The following HEATR5A variants were observed in gnomAD, a reference collection of about 807,000 sequenced individuals.
The protein encoded by HEATR5A is HEAT repeat-containing protein 5A.
HEATR5A carries 178 observed loss-of-function variants against 218.8 expected under a neutral mutation model. That is an observed-to-expected ratio of 0.81 (90% CI 0.72 to 0.92). The LOEUF (loss-of-function observed/expected upper bound fraction) is 0.92. Among genes scored for constraint, HEATR5A ranks in the 40% least tolerant of loss-of-function variants. The probability of loss-of-function intolerance (pLI) is 0.00; values close to 1 mark genes in which losing one functional copy is unlikely to be tolerated. For missense variants in HEATR5A, 2,420 were observed against 2,418.9 expected (o/e 1.00, Z -0.01); for synonymous variants, 864 against 871.6 (o/e 0.99, Z 0.15).
chr14:31,366,431 A>G (rs1205612056), intron 13 of HEATR5A, among the ~76,000 whole-genome samples: 1 of 152,240 alleles, frequency 6.6e-6, no homozygotes, highest in African/African-American at 2.4e-5. Flanking sequence ...TTAGGAAATT[A>G]TATTTCTAAA....
At chr14:31,356,479 C>T (rs1901431046) in intron 16 of HEATR5A, among the ~76,000 whole-genome samples, 1 of 152,178 alleles carries the variant, frequency 6.6e-6, no homozygotes, top group African/African-American at 2.4e-5. Context: ...AAGCAATTTG[C>T]CTGCCTTGGC....
intron 21 of HEATR5A, among the ~76,000 whole-genome samples, chr14:31,341,243 T>C (rs1900829097): frequency 6.6e-6 from 1 of 152,194 alleles, no homozygotes; most frequent in South Asian, 2.1e-4. Flanking sequence ...TCACTTGCTC[T>C]AATGTACCCA....
chr14:31,305,331 C>T (rs369105914), intron 31 of HEATR5A, among the ~76,000 whole-genome samples, 154 bp from the exon 32 acceptor site: 23 of 152,258 alleles, frequency 1.5e-4, no homozygotes, highest in East Asian at 1.2e-3. Context: ...GGCATGATCT[C>T]GGCTCACTGC....
intron 1 of HEATR5A, among the ~76,000 whole-genome samples, chr14:31,406,716 G>A (rs150046776): frequency 5.3e-5 from 8 of 152,194 alleles, no homozygotes; most frequent in African/African-American, 1.9e-4. Flanking sequence ...CTAGCACTTT[G>A]GGAGGCCAAG....
rs34006984 is a variant in HEATR5A, at chr14:31,369,933, C to CA, written c.1961+1876dup. ...TGGGTGACAGTGTAAGACTCTATCT[C>CA]AAAAAAAAAAAAAGGCCAGGCATGG... On this transcript the variant is annotated intron_variant, in intron 13 of 35. Coordinates refer to ENST00000543095, the MANE Select transcript of HEATR5A (RefSeq NM_015473.4). Among the ~76,000 whole-genome samples, 33 of 139,178 alleles carry CA rather than the reference C, an allele frequency of 2.4e-4. 3 individuals carry two copies. The South Asian group carries it at 6.6e-3, about 28-fold the overall frequency. The allele number at this position is 139,178 out of a possible 152,430, so 91.3% of individuals were successfully genotyped here.
intron 33 of HEATR5A, among the ~76,000 whole-genome samples, chr14:31,301,417 G>A (rs566323166): frequency 2.6e-5 from 4 of 152,152 alleles, no homozygotes; most frequent in Admixed American, 1.3e-4. Context: ...CACTGCACCC[G>A]ACGAAAAACA....
chr14:31,377,152 C>T (rs1223986353), intron 11 of HEATR5A, among the ~76,000 whole-genome samples: 1 of 148,092 alleles, frequency 6.8e-6, no homozygotes, highest in Non-Finnish European at 1.5e-5. Context: ...AAAAAAATTC[C>T]ATTTCCTACA....
In HEATR5A at chr14:31,394,163, T is replaced by G. The variant is rs762367337; in HGVS notation, c.661A>C (p.Thr221Pro). The G allele has an allele frequency of 1.3e-6, 2 of 1,535,080 alleles. No homozygotes were observed. The highest frequency in any genetic ancestry group is 1.7e-6 in the Non-Finnish European group (2 of 1,146,046). The change falls in exon 6 of 36, where the codon ACA becomes CCA. Residue 221 changes from threonine to proline, a missense_variant. Coordinates refer to ENST00000543095, the MANE Select transcript of HEATR5A (RefSeq NM_015473.4). ...CCTTCAAAGGACTTAAAACACAGTG[T>G]GGCCACACTGTCCAGGTCCGTACTC... is the stretch of plus-strand genomic sequence containing the variant. ...MWSTDLDSVA[T>P]LCFKSFEGSN... is the part of the protein sequence containing the mutation.
intron 7 of HEATR5A, 35 bp downstream of exon 7, chr14:31,388,810 A>G: frequency 1.9e-6 from 3 of 1,568,782 alleles, no homozygotes; most frequent in Non-Finnish European, 2.6e-6. Context: ...TAGGCCAGTA[A>G]GAGTTAGACT....
Position 31,387,211 on chromosome 14 carries a change from T to A in HEATR5A, c.1098A>T (p.Arg366=), listed in dbSNP as rs1292395269. 6.2e-7 allele frequency: 1 copy of A among 1,613,792 alleles called. No individual in the cohort carries two copies. The highest frequency in any genetic ancestry group is 1.3e-5 in the African/African-American group (1 of 74,876). Residue 366 remains arginine, a synonymous_variant, in exon 8 of 36, where the codon CGA becomes CGT. Coordinates refer to ENST00000543095, the MANE Select transcript of HEATR5A (RefSeq NM_015473.4). ...CTCCAAGAAGACCACCTATAGTAGT[T>A]CGAAGAATAAATGAAACACAACGGC... The part of the protein sequence containing the change: ...CCRRCVSFIL[R]TTIGGLLGEK...
Position 31,313,064 on chromosome 14 carries a change from C to G in HEATR5A, c.4345G>C (p.Asp1449His). ...CAGAGTCTGCTTAGTGTGCCAAGATCTGCATAGACTAAGTCAAGCAGTCCA... is the reference window on the plus strand; with the variant it reads ...CAGAGTCTGCTTAGTGTGCCAAGATGTGCATAGACTAAGTCAAGCAGTCCA... Reference protein sequence around the residue: ...SDGLLDLVYADLGTLSRLWLA... With the variant: ...SDGLLDLVYAHLGTLSRLWLA... Residue 1449 changes from aspartate (D) to histidine (H), a missense_variant, in exon 28 of 36, where the codon GAT (aspartate) becomes CAT (histidine). Asp to His is a moderately conservative substitution (Grantham distance 81). Transcript: ENST00000543095. The G allele has an allele frequency of 6.2e-7, 1 of 1,613,956 alleles. No homozygotes were observed. Among genetic ancestry groups the G allele is most frequent in the Non-Finnish European group, 8.5e-7 (1 of 1,179,852 alleles).
chr14:31,295,244 T>G (rs1250140369), intron 34 of HEATR5A, among the ~76,000 whole-genome samples: 1 of 152,116 alleles, frequency 6.6e-6, no homozygotes, highest in Non-Finnish European at 1.5e-5. Context: ...ACTGAAGGTA[T>G]GTGCTGGAGT....
intron 25 of HEATR5A, among the ~76,000 whole-genome samples, chr14:31,319,622 C>G (rs1373894481): frequency 6.6e-6 from 1 of 152,188 alleles, no homozygotes; most frequent in Non-Finnish European, 1.5e-5. Context: ...AATGAGAGAT[C>G]TCCTTGGATG....
At chr14:31,394,953 A>G (rs2030599814) in intron 5 of HEATR5A, among the ~76,000 whole-genome samples, 1 of 152,224 alleles carries the variant, frequency 6.6e-6, no homozygotes, top group South Asian at 2.1e-4. Context: ...CGGAGAAAAC[A>G]TAGTAGAGTA....
Position 31,315,881 on chromosome 14 carries a change from C to T in HEATR5A, c.4107G>A (p.Leu1369=), listed in dbSNP as rs2139155427. Residue 1369 remains leucine (L), a synonymous_variant, in exon 27 of 36, where the codon TTG becomes TTA. Coordinates refer to ENST00000543095, the MANE Select transcript of HEATR5A (RefSeq NM_015473.4). The part of the protein sequence containing the change: ...DLNDLRRVHQ[L]LVSSLTKIQA... ...GTATTTTAGTTAACGATGAAACAAG[C>T]AACTGATGAACTCTTCGGAGATCAT... is the stretch of plus-strand genomic sequence containing the variant. 2 of 1,600,546 alleles carry T rather than the reference C, an allele frequency of 1.2e-6. No homozygotes were observed. Among genetic ancestry groups the T allele is most frequent in the Non-Finnish European group, 1.7e-6 (2 of 1,173,034 alleles).
In HEATR5A at chr14:31,388,912, C is replaced by T. The variant is rs374697149; in HGVS notation, c.866G>A (p.Arg289Gln). The T allele has an allele frequency of 1.5e-3, 2,393 of 1,613,718 alleles. 2 individuals are homozygous for T. Among genetic ancestry groups the T allele is most frequent in the Non-Finnish European group, 1.9e-3 (2,205 of 1,179,738 alleles). ...TCCTTTCAGCATATCTCCACTGGCTCGAAGGAATCCTGAACTCCCACGTAG... is the reference window on the plus strand; with the variant it reads ...TCCTTTCAGCATATCTCCACTGGCTTGAAGGAATCCTGAACTCCCACGTAG... Reference protein sequence around the residue: ...GFLRGSSGFLRASGDMLKGTS... With the variant: ...GFLRGSSGFLQASGDMLKGTS... The change falls in exon 7 of 36, where the codon CGA becomes CAA. Residue 289 changes from arginine (R) to glutamine (Q), a missense_variant. Transcript: ENST00000543095.
chr14:31,393,179 A>G (rs142740444), intron 6 of HEATR5A, among the ~76,000 whole-genome samples: 90 of 152,322 alleles, frequency 5.9e-4, no homozygotes, highest in African/African-American at 2.0e-3. Flanking sequence ...CGTTTATTGG[A>G]TAACACTTCA....
At chr14:31,410,686 G>A (rs1430443986) in intron 1 of HEATR5A, among the ~76,000 whole-genome samples, 1 of 152,164 alleles carries the variant, frequency 6.6e-6, no homozygotes, top group East Asian at 1.9e-4. Context: ...CATTTATAAT[G>A]TTAGAGTTCT....
rs770068075 is a variant in HEATR5A, at chr14:31,315,928, T to G, written c.4060A>C (p.Ser1354Arg). ...ACQVCSAWIASGVVSDLNDLR... is the reference protein window; with the variant it reads ...ACQVCSAWIARGVVSDLNDLR... ...TCATTAAGGTCACTTACAACTCCAC[T>G]TGCTATCCAGGCACTGCAAACCTAG... is the stretch of plus-strand genomic sequence containing the variant. Residue 1354 changes from serine (S) to arginine (R), a missense_variant, in exon 27 of 36, where the codon AGT becomes CGT. Transcript: ENST00000543095. 5.1e-6 allele frequency: 8 copies of G among 1,560,278 alleles called. No homozygotes were observed. The Admixed American group carries it at 9.9e-5, about 19-fold the overall frequency.
Sources: gnomAD v4.1 joint callset for allele counts (sites outside exome capture counted in the v4.1 genomes callset) on GRCh38, gnomAD v4.1.1 for gene constraint, MANE v1.5 for transcripts, NCBI Gene and HGNC (gene_info 2026-07-23, HGNC 2026-07-21) for gene names.